Variants in ZDHHC17 observed in about 807,000 individuals in gnomAD.
The protein encoded by ZDHHC17 is zDHHC palmitoyltransferase 17, also known as palmitoyltransferase ZDHHC17.
In ZDHHC17, 40 loss-of-function variants were observed where a neutral mutation model predicts 90.3. The observed-to-expected ratio is 0.44, with a 90% CI of 0.34 to 0.58. The LOEUF is 0.58. Ranked by LOEUF, ZDHHC17 falls within the 20% of genes least tolerant of loss-of-function variation. The probability of loss-of-function intolerance (pLI) is 0.01; values close to 1 mark genes in which losing one functional copy is unlikely to be tolerated. For missense variants in ZDHHC17, 614 were observed against 780.8 expected (o/e 0.79, Z 2.55); for synonymous variants, 235 against 252.4 (o/e 0.93, Z 0.65).
intron 5 of ZDHHC17, among the ~76,000 whole-genome samples, chr12:76,810,965 T>A (rs1412706298): frequency 6.6e-6 from 1 of 152,208 alleles, no homozygotes; most frequent in Non-Finnish European, 1.5e-5. Context: ...TTTCTCTATG[T>A]AGTGTCAGAA....
intron 10 of ZDHHC17, among the ~76,000 whole-genome samples, chr12:76,831,623 T>A (rs1409376767): frequency 2.0e-5 from 3 of 152,178 alleles, no homozygotes; most frequent in African/African-American, 7.2e-5. Context: ...GTGCTGGGAT[T>A]ACAGGCGTGA....
chr12:76,781,386 T>C (rs1952624412), intron 1 of ZDHHC17, among the ~76,000 whole-genome samples: 2 of 152,216 alleles, frequency 1.3e-5, no homozygotes, highest in African/African-American at 4.8e-5. Flanking sequence ...GTGCTTTGTT[T>C]TGAATGTCTC....
chr12:76,840,968 A>G (rs955457510), intron 10 of ZDHHC17: 1 of 152,202 alleles, frequency 6.6e-6, no homozygotes, highest in Non-Finnish European at 1.5e-5. Flanking sequence ...TCTCCAGAAT[A>G]AACAGCTGAA....
intron 1 of ZDHHC17, among the ~76,000 whole-genome samples, chr12:76,775,244 G>T (rs1320223565): frequency 1.3e-5 from 2 of 152,162 alleles, no homozygotes; most frequent in Non-Finnish European, 2.9e-5. Context: ...ATAACTTCCA[G>T]TAAGATCAAG....
chr12:76,809,613 A>G, intron 4 of ZDHHC17, 100 bp from the exon 5 acceptor site: 1 of 964,380 alleles, frequency 1.0e-6, no homozygotes, highest in Non-Finnish European at 1.4e-6. Context: ...CAAAATACAT[A>G]CGTAATCTTC....
intron 2 of ZDHHC17, among the ~76,000 whole-genome samples, chr12:76,798,603 A>G (rs902232900): frequency 3.9e-5 from 6 of 152,152 alleles, no homozygotes; most frequent in African/African-American, 1.2e-4. Context: ...TCTCACTGCT[A>G]TAAAGAAATA....
At chr12:76,808,659 A>G (rs1952983014) in intron 3 of ZDHHC17, among the ~76,000 whole-genome samples, 1 of 152,210 alleles carries the variant, frequency 6.6e-6, no homozygotes, top group South Asian at 2.1e-4. Flanking sequence ...AAGGAAAGTA[A>G]GGCTTAAAAA....
At chr12:76,829,261 A>T (rs924886346) in intron 10 of ZDHHC17, among the ~76,000 whole-genome samples, 1 of 151,990 alleles carries the variant, frequency 6.6e-6, no homozygotes, top group African/African-American at 2.4e-5. Flanking sequence ...GTTTGAACCA[A>T]GACTGGCCAA....
chr12:76,778,429 G>A (rs930035790), intron 1 of ZDHHC17, among the ~76,000 whole-genome samples: 4 of 152,034 alleles, frequency 2.6e-5, no homozygotes, highest in African/African-American at 9.7e-5. Context: ...CTATATGTTG[G>A]CCAGGCTGGT....
intron 3 of ZDHHC17, among the ~76,000 whole-genome samples, chr12:76,805,784 G>A (rs917468250): frequency 4.6e-5 from 7 of 152,150 alleles, no homozygotes; most frequent in Non-Finnish European, 7.3e-5. Context: ...GCTAATAAAG[G>A]TTGGAGTCAG....
intron 10 of ZDHHC17, among the ~76,000 whole-genome samples, chr12:76,834,930 T>C (rs1280581012): frequency 6.6e-6 from 1 of 152,190 alleles, no homozygotes; most frequent in African/African-American, 2.4e-5. Context: ...TTAAATTATA[T>C]TGGAGCAGGG....
At chr12:76,798,911 A>C (rs1952854402) in intron 2 of ZDHHC17, among the ~76,000 whole-genome samples, 1 of 152,048 alleles carries the variant, frequency 6.6e-6, no homozygotes, top group Non-Finnish European at 1.5e-5. Flanking sequence ...TGATCCAGTC[A>C]CCTCTCACCA....
At chr12:76,828,365 A>G (rs1274769971) in intron 9 of ZDHHC17, 25 bp from the exon 10 acceptor site, 2 of 1,550,704 alleles carry the variant, frequency 1.3e-6, no homozygotes, top group Non-Finnish European at 1.8e-6. Flanking sequence ...TAGAGCTCAT[A>G]TTTTATAAAA....
chr12:76,831,543 G>A (rs1458539928), intron 10 of ZDHHC17, among the ~76,000 whole-genome samples: 1 of 152,022 alleles, frequency 6.6e-6, no homozygotes, highest in Admixed American at 6.5e-5. Context: ...GTAGAGACGG[G>A]GTTTCACTAT....
intron 1 of ZDHHC17, among the ~76,000 whole-genome samples, chr12:76,793,329 G>T (rs1200843694): frequency 2.0e-5 from 3 of 152,182 alleles, no homozygotes. Flanking sequence ...AGACCAACCT[G>T]GCCAACATGG....
At chr12:76,780,147 G>A (rs1952605725) in intron 1 of ZDHHC17, among the ~76,000 whole-genome samples, 1 of 151,778 alleles carries the variant, frequency 6.6e-6, no homozygotes, top group Non-Finnish European at 1.5e-5. Flanking sequence ...TACTTCCTAT[G>A]TAAATTTTAG....
chr12:76,780,504 A>G (rs1446160180), intron 1 of ZDHHC17, among the ~76,000 whole-genome samples: 1 of 152,156 alleles, frequency 6.6e-6, no homozygotes, highest in Non-Finnish European at 1.5e-5. Context: ...AAAAAACTTT[A>G]TTTTTCTTTG....
chr12:76,794,809 A>G (rs1204909218), intron 1 of ZDHHC17, among the ~76,000 whole-genome samples: 1 of 152,176 alleles, frequency 6.6e-6, no homozygotes, highest in Admixed American at 6.5e-5. Flanking sequence ...AAATAAAATT[A>G]AAGTTTCTTG....
intron 10 of ZDHHC17, among the ~76,000 whole-genome samples, chr12:76,839,622 G>A (rs1485253820): frequency 1.3e-5 from 2 of 151,208 alleles, no homozygotes; most frequent in Non-Finnish European, 3.0e-5. Context: ...TGTAAAAAAT[G>A]ATTCTATAAA....
Sources: allele counts gnomAD v4.1 joint callset (sites outside exome capture counted in the v4.1 genomes callset), GRCh38; gene constraint gnomAD v4.1.1; transcripts MANE v1.5; gene names NCBI Gene and HGNC (gene_info 2026-07-23, HGNC 2026-07-21).